Variants in SBF2 observed in about 807,000 individuals in gnomAD.
SBF2 encodes the protein SET binding factor 2, also known as myotubularin-related protein 13.
Under a neutral mutation model 225.2 loss-of-function variants are expected in SBF2, and 112 were observed. The ratio of observed to expected loss-of-function variants is 0.50; its 90% confidence interval spans 0.43 to 0.58. The LOEUF (loss-of-function observed/expected upper bound fraction) is 0.58. Ranked by LOEUF, SBF2 falls within the 20% of genes least tolerant of loss-of-function variation. SBF2 has a pLI of 0.00. For missense variants in SBF2, 1,996 were observed against 2,206.2 expected (o/e 0.90, Z 1.91); for synonymous variants, 763 against 773.3 (o/e 0.99, Z 0.22).
intron 16 of SBF2, among the ~76,000 whole-genome samples, chr11:9,947,098 C>G (rs934290940): frequency 7.2e-5 from 11 of 152,282 alleles, no homozygotes; most frequent in Middle Eastern, 3.4e-3. Context: ...ACTGGTAGTC[C>G]ATGGCATGCA....
intron 16 of SBF2, among the ~76,000 whole-genome samples, chr11:9,942,980 G>GAAGAAAGAAAGA (rs61495070): frequency 3.4e-5 from 5 of 147,670 alleles, no homozygotes; most frequent in African/African-American, 1.0e-4. Flanking sequence ...AAAGAAAGAG[G>GAAGAAAGAAAGA]AAGAAAGAAA....
intron 16 of SBF2, among the ~76,000 whole-genome samples, chr11:9,949,909 T>C (rs1007263525): frequency 2.0e-5 from 3 of 152,260 alleles, no homozygotes; most frequent in Middle Eastern, 6.8e-3. Context: ...GAAAATAATA[T>C]ATTGAACACA....
Position 10,202,615 on chromosome 11 carries a change from C to G in SBF2, c.56-8628G>C, listed in dbSNP as rs139816325. 2.7e-3 allele frequency among the ~76,000 whole-genome samples: 406 copies of G among 152,270 alleles called. 4 individuals carry two copies. Among genetic ancestry groups the G allele is most frequent in the African/African-American group, 9.3e-3 (386 of 41,544 alleles). ...CCTAGCTAACACGGTGAAATCCCGT[C>G]TCTACTAAAAATAACAAAAAAAATT... On this transcript the variant is annotated intron_variant, in intron 1 of 39. Transcript: ENST00000256190.
chr11:10,166,574 T>C (rs1955958919), intron 2 of SBF2, among the ~76,000 whole-genome samples: 1 of 152,204 alleles, frequency 6.6e-6, no homozygotes, highest in South Asian at 2.1e-4. Flanking sequence ...ACTAGGTCTA[T>C]GAATTGTGTT....
chr11:10,174,939 T>C (rs1357121200), intron 2 of SBF2, among the ~76,000 whole-genome samples: 6 of 151,262 alleles, frequency 4.0e-5, no homozygotes, highest in Non-Finnish European at 7.4e-5. Context: ...AGAAATAAAA[T>C]ACTTTACAGA....
intron 1 of SBF2, among the ~76,000 whole-genome samples, chr11:10,251,075 T>C (rs1012020344): frequency 1.3e-5 from 2 of 152,336 alleles, no homozygotes; most frequent in Non-Finnish European, 1.5e-5. Flanking sequence ...CGTGCACTTA[T>C]AGGGTATACT....
At chr11:9,952,915 ACTT>A (rs1348196350) in intron 16 of SBF2, among the ~76,000 whole-genome samples, 1 of 152,158 alleles carries the variant, frequency 6.6e-6, no homozygotes, top group Non-Finnish European at 1.5e-5. Context: ...AACAGGGAAC[ACTT>A]CTACACTGCT....
At chr11:10,068,433 C>T (rs1950718446) in intron 2 of SBF2, among the ~76,000 whole-genome samples, 1 of 152,118 alleles carries the variant, frequency 6.6e-6, no homozygotes, top group African/African-American at 2.4e-5. Context: ...ATACTGTTTT[C>T]CTATTTCTTA....
chr11:10,120,281 CT>C (rs1953376086), intron 2 of SBF2, among the ~76,000 whole-genome samples: 1 of 152,144 alleles, frequency 6.6e-6, no homozygotes, highest in African/African-American at 2.4e-5. Context: ...TTTTTTAAGG[CT>C]GGATAATATT....
At chr11:10,056,831 A>G (rs575977193) in intron 2 of SBF2, among the ~76,000 whole-genome samples, 1 of 152,262 alleles carries the variant, frequency 6.6e-6, no homozygotes, top group Non-Finnish European at 1.5e-5. Context: ...GGGTGACTTA[A>G]CCGTTCTAGT....
At chr11:10,290,081 A>AT (rs1964069424) in intron 1 of SBF2, among the ~76,000 whole-genome samples, 1 of 152,172 alleles carries the variant, frequency 6.6e-6, no homozygotes, top group African/African-American at 2.4e-5. Flanking sequence ...AAAGTTATAC[A>AT]TTTCACTGTT....
intron 1 of SBF2, among the ~76,000 whole-genome samples, chr11:10,206,722 A>G (rs1206272258): frequency 2.0e-5 from 3 of 152,134 alleles, no homozygotes; most frequent in African/African-American, 4.8e-5. Flanking sequence ...GATGGTTTCA[A>G]TAGTAGAGTG....
intron 2 of SBF2, among the ~76,000 whole-genome samples, chr11:10,077,625 C>T (rs1951173303): frequency 6.6e-6 from 1 of 152,122 alleles, no homozygotes; most frequent in African/African-American, 2.4e-5. Context: ...AAACCTTATA[C>T]AAAAATTAAC....
intron 13 of SBF2, among the ~76,000 whole-genome samples, chr11:9,983,530 G>A (rs372633444): frequency 6.6e-6 from 1 of 152,062 alleles, no homozygotes; most frequent in Non-Finnish European, 1.5e-5. Flanking sequence ...TATTATCTTG[G>A]GAGTTCAAGG....
chr11:9,782,044 A>G (rs749078958), intron 38 of SBF2, among the ~76,000 whole-genome samples: 6 of 151,858 alleles, frequency 4.0e-5, no homozygotes, highest in South Asian at 2.1e-4. Context: ...AAATCAGCCA[A>G]TCGTGGTGGT....
chr11:10,070,706 G>A (rs1479493228), intron 2 of SBF2, among the ~76,000 whole-genome samples: 2 of 152,166 alleles, frequency 1.3e-5, no homozygotes, highest in Non-Finnish European at 2.9e-5. Context: ...GAAAGTCATT[G>A]GTAGCTTGAT....
Position 9,935,442 on chromosome 11 carries a change from T to G in SBF2, c.1860+26515A>C, listed in dbSNP as rs551373328. On this transcript the variant is annotated intron_variant, in intron 16 of 39. Transcript: ENST00000256190. ...CTACCAATAACTTTCTTCACAGAAT[T>G]TGAAAAAAACTACTTTAAAGTTCAT... Among the ~76,000 whole-genome samples, 198 of 152,206 alleles carry G rather than the reference T, an allele frequency of 1.3e-3. 1 individual carries two copies. The highest frequency in any genetic ancestry group is 4.5e-3 in the African/African-American group (188 of 41,538).
intron 2 of SBF2, among the ~76,000 whole-genome samples, chr11:10,098,183 C>G (rs377582533): frequency 6.6e-6 from 1 of 152,082 alleles, no homozygotes; most frequent in East Asian, 1.9e-4. Flanking sequence ...CATCCACAGA[C>G]TTGGTTTGAT....
chr11:9,900,295 T>A (rs1861621253), intron 16 of SBF2, among the ~76,000 whole-genome samples: 2 of 152,204 alleles, frequency 1.3e-5, no homozygotes, highest in Admixed American at 6.5e-5. Flanking sequence ...TGCCTTCTAC[T>A]TTTAAACTTA....
Sources: gnomAD v4.1 joint callset for allele counts (sites outside exome capture counted in the v4.1 genomes callset) on GRCh38, gnomAD v4.1.1 for gene constraint, MANE v1.5 for transcripts, NCBI Gene and HGNC (gene_info 2026-07-23, HGNC 2026-07-21) for gene names.